NLRP7: variants seen among roughly 807,000 people sequenced by gnomAD.
NLRP7 encodes NACHT, LRR and PYD domains-containing protein 7.
Under a neutral mutation model 85.5 loss-of-function variants are expected in NLRP7, and 72 were observed. The observed-to-expected ratio is 0.84, with a 90% CI of 0.70 to 1.02. The LOEUF (loss-of-function observed/expected upper bound fraction) is 1.02, where lower values mean the gene tolerates loss of function less well. Ranked by LOEUF, NLRP7 falls within the 50% of genes least tolerant of loss-of-function variation. NLRP7 has a pLI of 0.00. For synonymous variants in NLRP7, 550 were observed against 505.2 expected, an observed-to-expected ratio of 1.09 and a Z score of -1.19; for missense variants, 1,243 against 1,219.5, an observed-to-expected ratio of 1.02 and a Z score of -0.29.
In NLRP7 at chr19:54,930,571, T is replaced by C. The variant is rs104895503; in HGVS notation, c.2738A>G (p.Asn913Ser). ...AATCCACAATCCACGAGCTATCTGGTTGATACTCAAGTCCAGGTTTGTGAG... is the reference window on the plus strand; with the variant it reads ...AATCCACAATCCACGAGCTATCTGGCTGATACTCAAGTCCAGGTTTGTGAG... The change falls in exon 9 of 10, where the codon AAC becomes AGC. Residue 913 changes from asparagine to serine, a missense_variant. By Grantham distance (46) the Asn-to-Ser change is conservative. Around this residue, in one of 3 missense-constraint regions of NLRP7, gnomAD observed 613 missense variants for 588.4 expected, o/e 1.04. Transcript: ENST00000340844. 9.6e-5 allele frequency: 155 copies of C among 1,612,560 alleles called. No individual in the cohort carries two copies. In the African/African-American group the frequency reaches 1.5e-3, roughly 16 times the overall value.
Position 54,927,779 on chromosome 19 carries a change from T to C in NLRP7, c.2810+2720A>G, listed in dbSNP as rs1385881012. The C allele has an allele frequency of 1.2e-6, 2 of 1,613,646 alleles. No individual in the cohort carries two copies. Among genetic ancestry groups the C allele is most frequent in the Admixed American group, 1.7e-5 (1 of 59,976 alleles). ...CATGAGGGAGCAGCTCCAGAGGCTG[T>C]TGAGGAAGAACATGGAAATCCACGC... On this transcript the variant is annotated intron_variant, in intron 9 of 9. Transcript: ENST00000340844.
chr19:54,962,342 A>G (rs542558801), intron 1 of NLRP7, among the ~76,000 whole-genome samples: 2 of 140,988 alleles, frequency 1.4e-5, no homozygotes, highest in African/African-American at 5.3e-5. Context: ...ATCTCAGCTC[A>G]CTGCAACCTC....
chr19:54,942,183 G>A (rs1214235123), intron 1 of NLRP7, among the ~76,000 whole-genome samples: 2 of 138,648 alleles, frequency 1.4e-5, no homozygotes, highest in East Asian at 4.5e-4. Context: ...GTGAACCCGG[G>A]AAGTGGAGCT....
intron 9 of NLRP7, among the ~76,000 whole-genome samples, chr19:54,926,206 GT>G (rs2068431651): frequency 3.4e-5 from 1 of 29,762 alleles, no homozygotes; most frequent in Admixed American, 3.5e-4. Flanking sequence ...ATGATTAGGG[GT>G]GTGTGTGTGT....
At chr19:54,928,517 A>T (rs2068541391) in intron 9 of NLRP7, among the ~76,000 whole-genome samples, 1 of 152,170 alleles carries the variant, frequency 6.6e-6, no homozygotes, top group African/African-American at 2.4e-5. Flanking sequence ...AGACATCTCG[A>T]TATGTTCTAT....
intron 1 of NLRP7, among the ~76,000 whole-genome samples, chr19:54,960,747 C>A (rs1602245276): frequency 6.6e-6 from 1 of 152,036 alleles, no homozygotes; most frequent in Admixed American, 6.6e-5. Context: ...AGGCACCCGC[C>A]ACCGTGCCCA....
intron 9 of NLRP7, among the ~76,000 whole-genome samples, chr19:54,926,205 GGTGTGTGTGTGT>G (rs138774910): frequency 1.4e-5 from 2 of 143,642 alleles, no homozygotes; most frequent in African/African-American, 5.0e-5. Flanking sequence ...AATGATTAGG[GGTGTGTGTGTGT>G]GTGTGTGTGT....
At position 54,959,771 on chromosome 19, in the gene NLRP7, C is replaced by T. The variant is rs541423941; in HGVS notation, c.-77+6269G>A. On this transcript the variant is annotated intron_variant, in intron 1 of 2. Transcript: ENST00000587103. ...CTTGACCAGGAGGCAAGCACACCTC[C>T]TCATCCTCTCATGGATGTCTGTCTG... is the stretch of plus-strand genomic sequence containing the variant. 2.0e-5 allele frequency among the ~76,000 whole-genome samples: 3 copies of T among 152,036 alleles called. 1 individual carries two copies. The highest frequency in any genetic ancestry group is 4.4e-5 in the Non-Finnish European group (3 of 67,938).
At chr19:54,955,883 C>A (rs2069834721) in intron 1 of NLRP7, among the ~76,000 whole-genome samples, 1 of 152,146 alleles carries the variant, frequency 6.6e-6, no homozygotes, top group Admixed American at 6.6e-5. Flanking sequence ...CCATGCCTGG[C>A]TAATTTTTGT....
exon 10 of NLRP7, chr19:54,923,700 T>C: frequency 6.2e-7 from 1 of 1,611,108 alleles, no homozygotes; most frequent in Non-Finnish European, 8.5e-7. Context: ...GAGACCCGAA[T>C]CCCGCTTCCT....
In NLRP7 at chr19:54,923,563, G is replaced by A. The variant is rs989372372; in HGVS notation, c.*177C>T. ...CCTGTGAGAAAGTACATAGCGTCAT[G>A]TGAAGGGGGTGCGTGACTCGTGCAG... On this transcript the variant is annotated 3_prime_UTR_variant, in exon 10 of 10. Transcript: ENST00000340844. The A allele has an allele frequency of 9.7e-6, 7 of 724,804 alleles. No homozygotes were observed. In the Admixed American group the frequency reaches 1.0e-4, roughly 11 times the overall value. 44.9% of individuals were successfully genotyped at this position (724,804 alleles called of 1,614,324 possible).
intron 8 of NLRP7, among the ~76,000 whole-genome samples, chr19:54,931,976 C>T (rs1303296468): frequency 1.3e-5 from 2 of 152,008 alleles, no homozygotes; most frequent in Non-Finnish European, 2.9e-5. Flanking sequence ...TTATTTTCTG[C>T]GTGGTTAGAT....
At chr19:54,953,597 G>A (rs1056655190) in intron 1 of NLRP7, among the ~76,000 whole-genome samples, 7 of 149,660 alleles carry the variant, frequency 4.7e-5, no homozygotes, top group African/African-American at 1.5e-4. Flanking sequence ...GGGGCGCGGG[G>A]CTGTCTGCTT....
At position 54,923,570 on chromosome 19, in the gene NLRP7, G is replaced by T; in HGVS notation, c.*170C>A. Reference sequence around the variant, plus strand: ...GAAAGTACATAGCGTCATGTGAAGGGGGTGCGTGACTCGTGCAGAATCTCC... The same window carrying T: ...GAAAGTACATAGCGTCATGTGAAGGTGGTGCGTGACTCGTGCAGAATCTCC... On this transcript the variant is annotated 3_prime_UTR_variant, in exon 10 of 10. Transcript: ENST00000340844. 9.4e-6 allele frequency: 7 copies of T among 744,218 alleles called. 1 individual carries two copies. The South Asian group carries it at 1.0e-4, about 11-fold the overall frequency. The allele number at this position is 744,218 out of a possible 1,614,324, so 46.1% of individuals were successfully genotyped here.
chr19:54,951,353 C>T (rs935700985), upstream of NLRP7, among the ~76,000 whole-genome samples: 14 of 152,026 alleles, frequency 9.2e-5, no homozygotes, highest in Non-Finnish European at 1.3e-4. Flanking sequence ...TTGAGACCAG[C>T]CCAGCCAGCA....
chr19:54,951,534 A>G (rs553231781), upstream of NLRP7, among the ~76,000 whole-genome samples: 92 of 152,282 alleles, frequency 6.0e-4, no homozygotes, highest in African/African-American at 2.2e-3. Flanking sequence ...TGGGTGCAAC[A>G]GAGTGAGACT....
At position 54,934,508 on chromosome 19, in the gene NLRP7, G is replaced by T; in HGVS notation, c.2452C>A (p.His818Asn). The stretch of plus-strand genomic sequence containing the variant: ...ACTTACGACAACATCTGCAGGAAGT[G>T]TTTTGGGCGTGTCATGGTCTTGTAC... The change falls in exon 7 of 10, where the codon CAC becomes AAC. Residue 818 changes from histidine to asparagine, a missense_variant. Coordinates refer to ENST00000340844, the Ensembl canonical transcript of NLRP7. This position sits in a 1 kb window ranked among gnomAD's most constrained non-coding sequence, Gnocchi z 6.7. 6.2e-7 allele frequency: 1 copy of T among 1,614,174 alleles called. No homozygotes were observed. The highest frequency in any genetic ancestry group is 8.5e-7 in the Non-Finnish European group (1 of 1,180,020).
intron 9 of NLRP7, chr19:54,927,667 C>G (rs1196562552): frequency 1.9e-6 from 3 of 1,614,054 alleles, no homozygotes; most frequent in African/African-American, 2.7e-5. Flanking sequence ...TTATGCCACT[C>G]TTCCACAAAT....
intron 4 of NLRP7, 28 bp downstream of exon 4, chr19:54,938,860 G>C: frequency 6.2e-7 from 1 of 1,612,104 alleles, no homozygotes; most frequent in Non-Finnish European, 8.5e-7. Context: ...CTTCCTAGTG[G>C]AGCGTGGGAT....
Sources: gnomAD v4.1 joint callset for allele counts (sites outside exome capture counted in the v4.1 genomes callset) on GRCh38, gnomAD v4.1.1 for gene constraint, gnomAD v4.1.1 regional missense constraint, Gnocchi (gnomAD v3.1) non-coding constraint, MANE v1.5 for transcripts, NCBI Gene and HGNC (gene_info 2026-07-23, HGNC 2026-07-21) for gene names.